Variants in CORO1C observed in about 807,000 individuals in gnomAD.
The protein encoded by CORO1C is coronin 1C, also known as coronin-1C.
A neutral mutation model predicts 51.2 loss-of-function variants in CORO1C; 14 were observed. That is an observed-to-expected ratio of 0.27 (90% confidence interval 0.18 to 0.43). CORO1C has a LOEUF of 0.43. Among genes scored for constraint, CORO1C ranks in the 20% least tolerant of loss-of-function variants. The probability of loss-of-function intolerance (pLI) is 1.00; values close to 1 mark genes in which losing one functional copy is unlikely to be tolerated. For synonymous variants in CORO1C, 181 were observed against 210.5 expected (o/e 0.86, Z 1.21); for missense variants, 417 against 607.8 (o/e 0.69, Z 3.30).
intron 1 of CORO1C, among the ~76,000 whole-genome samples, chr12:108,712,862 C>A (rs1298408517): frequency 6.9e-6 from 1 of 145,018 alleles, no homozygotes; most frequent in African/African-American, 2.6e-5. Flanking sequence ...GAGTTTGAGG[C>A]TGCAGTATGC....
intron 8 of CORO1C, among the ~76,000 whole-genome samples, chr12:108,650,180 CTTTTTTT>C (rs1057367204): frequency 1.2e-5 from 1 of 80,414 alleles, no homozygotes; most frequent in Non-Finnish European, 2.3e-5. Flanking sequence ...AACCAAAAAC[CTTTTTTT>C]TTTTTTTTTT....
chr12:108,650,180 C>CTTTTTTT (rs1057367204), intron 8 of CORO1C, among the ~76,000 whole-genome samples: 7 of 80,444 alleles, frequency 8.7e-5, no homozygotes, highest in South Asian at 5.8e-4. Context: ...AACCAAAAAC[C>CTTTTTTT]TTTTTTTTTT....
chr12:108,649,138 C>A, intron 8 of CORO1C, 118 bp from the exon 9 acceptor site: 1 of 1,170,800 alleles, frequency 8.5e-7, no homozygotes, highest in East Asian at 2.5e-5. Context: ...TTACCCATCC[C>A]CACATCTGAT....
intron 2 of CORO1C, among the ~76,000 whole-genome samples, chr12:108,679,229 T>C (rs1198020492): frequency 1.4e-5 from 2 of 146,772 alleles, no homozygotes; most frequent in Non-Finnish European, 3.0e-5. Flanking sequence ...GCCTACTACA[T>C]TGTAATGTCT....
At position 108,647,293 on chromosome 12, in the gene CORO1C, C is replaced by T; in HGVS notation, c.*110G>A. The T allele has an allele frequency of 2.0e-6, 2 of 978,684 alleles. No individual in the cohort carries two copies. Among genetic ancestry groups the T allele is most frequent in the Non-Finnish European group, 2.9e-6 (2 of 679,412 alleles). The allele number at this position is 978,684 out of a possible 1,614,324, so 60.6% of individuals were successfully genotyped here. ...GGTTGACAAATCTGAAATGGAATGT[C>T]TCCAAATGGCAGTGCCTCCCTTTCC... On this transcript the variant is annotated 3_prime_UTR_variant, in exon 11 of 11. Transcript: ENST00000261401.
At chr12:108,701,573 G>GT in intron 1 of CORO1C, 1 of 514,644 alleles carries the variant, frequency 1.9e-6, no homozygotes, top group Non-Finnish European at 3.4e-6. Flanking sequence ...CAGCTCATCA[G>GT]TTTTAATTTC....
chr12:108,669,673 TA>T (rs34827230), intron 3 of CORO1C, among the ~76,000 whole-genome samples: 5,417 of 80,194 alleles, frequency 0.068, 97 homozygotes, highest in African/African-American at 0.1. Context: ...GCTTTTCCGT[TA>T]AAAAAAAAAA....
Position 108,677,824 on chromosome 12 carries a change from G to A in CORO1C, c.318+448C>T, listed in dbSNP as rs186131689. ...ACTTGAGGTCAGGAGTTCGAGACCAGCCTGGCCAACATGGTGAAACCTCGT... is the reference window on the plus strand; with the variant it reads ...ACTTGAGGTCAGGAGTTCGAGACCAACCTGGCCAACATGGTGAAACCTCGT... On this transcript the variant is annotated intron_variant, in intron 3 of 10. Coordinates refer to ENST00000261401, the MANE Select transcript of CORO1C (RefSeq NM_014325.4). Among the ~76,000 whole-genome samples the A allele has an allele frequency of 3.9e-3, 595 of 152,272 alleles. 1 individual carries two copies. Among genetic ancestry groups the A allele is most frequent in the Non-Finnish European group, 6.5e-3 (441 of 68,032 alleles).
At chr12:108,679,759 G>A (rs1321402050) in intron 2 of CORO1C, among the ~76,000 whole-genome samples, 1 of 152,168 alleles carries the variant, frequency 6.6e-6, no homozygotes, top group Non-Finnish European at 1.5e-5. Flanking sequence ...GAATAAGACA[G>A]GTAAGGGTTC....
chr12:108,676,470 G>A (rs1384792591), intron 3 of CORO1C, among the ~76,000 whole-genome samples: 1 of 152,092 alleles, frequency 6.6e-6, no homozygotes, highest in Non-Finnish European at 1.5e-5. Context: ...CAGACTCTCC[G>A]TTTAAGATTC....
intron 2 of CORO1C, among the ~76,000 whole-genome samples, chr12:108,698,284 A>T (rs758301381): frequency 8.5e-5 from 13 of 152,264 alleles, no homozygotes; most frequent in Non-Finnish European, 1.5e-4. Context: ...CAAAAATGGA[A>T]CAAAACTGTT....
At chr12:108,702,804 C>A (rs1002011833) in intron 1 of CORO1C, 4 of 1,529,062 alleles carry the variant, frequency 2.6e-6, no homozygotes, top group African/African-American at 1.4e-5. Context: ...ACCCTTCCAA[C>A]GCATGTGTGA....
At chr12:108,691,808 C>T (rs759533856) in intron 2 of CORO1C, among the ~76,000 whole-genome samples, 12 of 152,160 alleles carry the variant, frequency 7.9e-5, no homozygotes, top group South Asian at 2.1e-4. Context: ...GCCAAGGAAA[C>T]GCACAAAGGC....
chr12:108,713,979 G>C (rs2035257011), intron 1 of CORO1C, among the ~76,000 whole-genome samples: 1 of 152,168 alleles, frequency 6.6e-6, no homozygotes. Context: ...CCAGCTGTAG[G>C]CATTCAAATG....
intron 4 of CORO1C, among the ~76,000 whole-genome samples, chr12:108,659,884 T>C (rs572852116): frequency 3.9e-4 from 60 of 152,302 alleles, no homozygotes; most frequent in Middle Eastern, 3.4e-3. Flanking sequence ...AGTAGCTACA[T>C]AGATTCAGAA....
chr12:108,655,931 T>C (rs2032950111), intron 6 of CORO1C, among the ~76,000 whole-genome samples: 1 of 150,286 alleles, frequency 6.7e-6, no homozygotes, highest in Admixed American at 6.6e-5. Context: ...GTCTAGGAAG[T>C]GAGGAGCGTC....
intron 2 of CORO1C, among the ~76,000 whole-genome samples, chr12:108,681,844 C>T (rs1302210874): frequency 6.6e-6 from 1 of 152,064 alleles, no homozygotes; most frequent in African/African-American, 2.4e-5. Flanking sequence ...CAAATACAAA[C>T]AGGTACTATG....
At chr12:108,660,604 G>C (rs1007700659) in intron 4 of CORO1C, among the ~76,000 whole-genome samples, 5 of 152,162 alleles carry the variant, frequency 3.3e-5, no homozygotes, top group Non-Finnish European at 5.9e-5. Flanking sequence ...CCGGCAGCTG[G>C]ATCATATAGC....
intron 8 of CORO1C, among the ~76,000 whole-genome samples, chr12:108,650,209 G>C (rs150313626): frequency 5.6e-4 from 59 of 104,454 alleles, no homozygotes; most frequent in Non-Finnish European, 1.1e-3. Flanking sequence ...TTTTTTTTGG[G>C]ACTGGGTCTT....
Sources: gnomAD v4.1 joint callset for allele counts (sites outside exome capture counted in the v4.1 genomes callset) on GRCh38, gnomAD v4.1.1 for gene constraint, MANE v1.5 for transcripts, NCBI Gene and HGNC (gene_info 2026-07-23, HGNC 2026-07-21) for gene names.